The following CACNG5 variants were observed in gnomAD, a reference collection of about 807,000 sequenced individuals.
CACNG5 encodes voltage-dependent calcium channel gamma-5 subunit.
CACNG5 carries 18 observed loss-of-function variants against 24.8 expected under a neutral mutation model. The observed-to-expected ratio is 0.73, with a 90% CI of 0.50 to 1.08. The LOEUF (loss-of-function observed/expected upper bound fraction) is 1.08. Ranked by LOEUF, CACNG5 falls within the 50% of genes least tolerant of loss-of-function variation. CACNG5 has a pLI of 0.00. For missense variants in CACNG5, 349 were observed against 367.9 expected (o/e 0.95, Z 0.42); for synonymous variants, 157 against 149.1 (o/e 1.05, Z -0.39).
At position 66,872,493 on chromosome 17, in the gene CACNG5, A is replaced by G. The variant is rs553459527; in HGVS notation, c.-103-4737A>G. Among the ~76,000 whole-genome samples, 61 of 152,364 alleles carry G rather than the reference A, an allele frequency of 4.0e-4. 1 individual carries two copies. The South Asian group carries it at 9.9e-3, about 25-fold the overall frequency. ...TACGTAGAAAAAAAGACTAAAAGGC[A>G]ATGAACTAAGATATTAATGATGATG... is the stretch of plus-strand genomic sequence containing the variant. On this transcript the variant is annotated intron_variant, in intron 1 of 5. Coordinates refer to ENST00000533854, the MANE Select transcript of CACNG5 (RefSeq NM_145811.3).
At chr17:66,857,074 T>G (rs946299609) in intron 1 of CACNG5, among the ~76,000 whole-genome samples, 1 of 137,892 alleles carries the variant, frequency 7.3e-6, no homozygotes, top group Admixed American at 7.1e-5. Context: ...AGTTTTTTTT[T>G]TTTTTTTTTT....
chr17:66,842,411 C>T (rs966615735), intron 1 of CACNG5, among the ~76,000 whole-genome samples: 3 of 152,092 alleles, frequency 2.0e-5, no homozygotes, highest in Non-Finnish European at 4.4e-5. Context: ...ATGAGAAGCC[C>T]AAGGCTCAGA....
intron 1 of CACNG5, among the ~76,000 whole-genome samples, chr17:66,842,179 C>A (rs369235396): frequency 6.6e-6 from 1 of 152,086 alleles, no homozygotes; most frequent in Admixed American, 6.5e-5. Context: ...AGTGATCCCA[C>A]GGTGGGGGAG....
At chr17:66,884,465 A>G (rs780335864) in intron 4 of CACNG5, 51 bp from the exon 5 acceptor site, 1 of 1,543,678 alleles carries the variant, frequency 6.5e-7, no homozygotes, top group Admixed American at 2.0e-5. Context: ...ACCTCAGCAA[A>G]CTTCCTGGGC....
chr17:66,860,604 G>A (rs1976840445), intron 1 of CACNG5, among the ~76,000 whole-genome samples: 1 of 148,120 alleles, frequency 6.8e-6, no homozygotes, highest in African/African-American at 2.5e-5. Flanking sequence ...GAAACTGAGA[G>A]AATGTGTTGC....
intron 1 of CACNG5, among the ~76,000 whole-genome samples, chr17:66,845,517 T>G (rs1976627515): frequency 6.6e-6 from 1 of 151,554 alleles, no homozygotes; most frequent in African/African-American, 2.4e-5. Context: ...CGGAATGGAC[T>G]AGCTCAAAGA....
At chr17:66,880,013 C>A (rs79404448) in intron 3 of CACNG5, among the ~76,000 whole-genome samples, 6,391 of 152,240 alleles carry the variant, frequency 0.042, 211 homozygotes, top group Non-Finnish European at 0.066. Flanking sequence ...AACAAAGACA[C>A]TCCCAACCTT....
At position 66,885,279 on chromosome 17, in the gene CACNG5, A is replaced by C. The variant is rs1008269303; in HGVS notation, c.*39A>C. The C allele has an allele frequency of 3.3e-6, 5 of 1,536,796 alleles. No homozygotes were observed. In the African/African-American group the frequency reaches 6.8e-5, roughly 21 times the overall value. ...CCATCCCTGGACTGTGGGTGGCCAG[A>C]CAACCCTTCCTGTTCTCTCCAGGTG... On this transcript the variant is annotated 3_prime_UTR_variant, in exon 6 of 6. Transcript: ENST00000533854.
At chr17:66,839,837 C>T (rs997315042) in intron 1 of CACNG5, among the ~76,000 whole-genome samples, 2 of 152,154 alleles carry the variant, frequency 1.3e-5, no homozygotes, top group Non-Finnish European at 2.9e-5. Flanking sequence ...GTTCCGCGCA[C>T]GTGCACTGAA....
At chr17:66,862,517 A>G (rs1309387960) in intron 1 of CACNG5, among the ~76,000 whole-genome samples, 1 of 152,006 alleles carries the variant, frequency 6.6e-6, no homozygotes, top group Non-Finnish European at 1.5e-5. Context: ...AATATATAAA[A>G]TGCTTATGTA....
intron 1 of CACNG5, among the ~76,000 whole-genome samples, chr17:66,875,757 T>C (rs1047279786): frequency 1.3e-5 from 2 of 152,096 alleles, no homozygotes; most frequent in Admixed American, 6.5e-5. Context: ...ATCACTAACA[T>C]CCAGTTTCAA....
chr17:66,853,181 A>G (rs1248026727), intron 1 of CACNG5, among the ~76,000 whole-genome samples: 4 of 152,186 alleles, frequency 2.6e-5, no homozygotes, highest in African/African-American at 9.6e-5. Flanking sequence ...ATGTAGTTGT[A>G]TACATGAGTA....
At chr17:66,861,088 G>A (rs1976850493) in intron 1 of CACNG5, among the ~76,000 whole-genome samples, 1 of 151,920 alleles carries the variant, frequency 6.6e-6, no homozygotes. Context: ...GATATAAAAA[G>A]CCATTGTATA....
At chr17:66,847,248 C>T (rs978333361) in intron 1 of CACNG5, among the ~76,000 whole-genome samples, 4 of 152,156 alleles carry the variant, frequency 2.6e-5, no homozygotes, top group African/African-American at 9.7e-5. Context: ...CTCTAGAGGC[C>T]CCACTCATGG....
At chr17:66,884,214 C>G (rs191043542) in intron 4 of CACNG5, among the ~76,000 whole-genome samples, 1 of 152,104 alleles carries the variant, frequency 6.6e-6, no homozygotes, top group East Asian at 1.9e-4. Context: ...ATGTCCAGAG[C>G]TGGGGCTCAG....
intron 1 of CACNG5, among the ~76,000 whole-genome samples, chr17:66,856,996 T>C (rs1976787413): frequency 6.6e-6 from 1 of 151,714 alleles, no homozygotes; most frequent in Non-Finnish European, 1.5e-5. Context: ...TAAAGAAAAT[T>C]ATCATCAAAA....
intron 1 of CACNG5, among the ~76,000 whole-genome samples, chr17:66,845,643 C>T (rs933400784): frequency 1.3e-5 from 2 of 152,076 alleles, no homozygotes; most frequent in Non-Finnish European, 2.9e-5. Context: ...CTGCCAACAT[C>T]GGTGCCTTCC....
At chr17:66,867,214 T>C (rs1226222970) in intron 1 of CACNG5, among the ~76,000 whole-genome samples, 2 of 152,252 alleles carry the variant, frequency 1.3e-5, no homozygotes, top group African/African-American at 4.8e-5. Context: ...ATTTCTCTAG[T>C]GATCAGTGAT....
intron 1 of CACNG5, among the ~76,000 whole-genome samples, chr17:66,852,900 TTCTC>T (rs1033102234): frequency 6.9e-6 from 1 of 145,194 alleles, no homozygotes; most frequent in African/African-American, 2.5e-5. Context: ...TCTTTCTCTC[TTCTC>T]TCTCTTCTTT....
Sources: allele counts gnomAD v4.1 joint callset (sites outside exome capture counted in the v4.1 genomes callset), GRCh38; gene constraint gnomAD v4.1.1; transcripts MANE v1.5; gene names NCBI Gene and HGNC (gene_info 2026-07-23, HGNC 2026-07-21).